Variants in LPP observed in about 807,000 individuals in gnomAD.
The protein encoded by LPP is lipoma-preferred partner.
A neutral mutation model predicts 60.4 loss-of-function variants in LPP; 38 were observed. That is an observed-to-expected ratio of 0.63 (90% CI 0.49 to 0.83). The LOEUF (loss-of-function observed/expected upper bound fraction) is 0.83. Ranked by LOEUF, LPP falls within the 40% of genes least tolerant of loss-of-function variation. The pLI is 0.00. For missense variants in LPP, 902 were observed against 783.6 expected (o/e 1.15, Z -1.80); for synonymous variants, 328 against 290.8 (o/e 1.13, Z -1.30).
intron 6 of LPP, chr3:188,568,115 A>G (rs1467705732): frequency 6.6e-6 from 1 of 152,024 alleles, no homozygotes; most frequent in Non-Finnish European, 1.5e-5. Context: ...ATCACTATCA[A>G]TTTACCTACT....
intron 3 of LPP, among the ~76,000 whole-genome samples, chr3:188,402,083 C>A (rs1178368887): frequency 2.0e-5 from 3 of 152,048 alleles, no homozygotes; most frequent in Non-Finnish European, 2.9e-5. Flanking sequence ...AAGTTACTGG[C>A]AATATGATTA....
chr3:188,319,979 G>A (rs1441675708), intron 2 of LPP, among the ~76,000 whole-genome samples: 1 of 152,142 alleles, frequency 6.6e-6, no homozygotes. Flanking sequence ...TAACGGTCAG[G>A]TATTTTGAAG....
chr3:188,702,323 C>G lies in LPP; in HGVS notation c.1114-5944C>G, dbSNP rs191455600. Among the ~76,000 whole-genome samples, 303 of 150,312 alleles carry G rather than the reference C, an allele frequency of 2.0e-3. 6 individuals are homozygous for G. The highest frequency in any genetic ancestry group is 0.019 in the Admixed American group (291 of 15,126). Reference sequence around the variant, plus strand: ...ATGCCTTTAACTTTCTTCCTTCTTTCTTTTCTTCTTCTTCTTCTTTTTTTT... The same window carrying G: ...ATGCCTTTAACTTTCTTCCTTCTTTGTTTTCTTCTTCTTCTTCTTTTTTTT... On this transcript the variant is annotated intron_variant, in intron 7 of 11. Coordinates refer to ENST00000617246, the MANE Select transcript of LPP (RefSeq NM_001375462.1).
chr3:188,495,080 A>ATTTTT lies in LPP; in HGVS notation c.306+10377_306+10378insTTTTT, dbSNP rs1419758882. 6.1e-3 allele frequency among the ~76,000 whole-genome samples: 610 copies of ATTTTT among 100,780 alleles called. 45 individuals are homozygous for ATTTTT. The highest frequency in any genetic ancestry group is 0.035 in the African/African-American group (581 of 16,490). 66.1% of individuals were successfully genotyped at this position (100,780 alleles called of 152,430 possible). The stretch of plus-strand genomic sequence containing the variant: ...TTCAGGATTTTATATATATATATAT[A>ATTTTT]TATTTTATTTATATTTTATTATATA... On this transcript the variant is annotated intron_variant, in intron 5 of 11. Transcript: ENST00000617246.
intron 7 of LPP, among the ~76,000 whole-genome samples, chr3:188,663,835 G>A (rs12491185): frequency 1.6e-4 from 25 of 152,124 alleles, no homozygotes; most frequent in Admixed American, 1.6e-3. Context: ...TAAGGGGCAT[G>A]CAAACTAGGT....
intron 6 of LPP, among the ~76,000 whole-genome samples, chr3:188,533,315 T>C (rs1392664950): frequency 6.6e-6 from 1 of 152,192 alleles, no homozygotes; most frequent in Non-Finnish European, 1.5e-5. Context: ...TGTAGGCTAC[T>C]GGGAGATGAA....
chr3:188,642,517 G>A (rs556406114), intron 7 of LPP, among the ~76,000 whole-genome samples: 53 of 152,308 alleles, frequency 3.5e-4, no homozygotes, highest in Middle Eastern at 6.8e-3. Context: ...AGCTTTTAAT[G>A]TTAAAGATTC....
intron 4 of LPP, among the ~76,000 whole-genome samples, chr3:188,469,594 C>G (rs758864174): frequency 6.6e-6 from 1 of 152,100 alleles, no homozygotes; most frequent in African/African-American, 2.4e-5. Context: ...TATGCAGTTC[C>G]TTTCCAAGAT....
At chr3:188,427,582 T>G (rs1789738337) in intron 4 of LPP, among the ~76,000 whole-genome samples, 1 of 152,172 alleles carries the variant, frequency 6.6e-6, no homozygotes, top group African/African-American at 2.4e-5. Flanking sequence ...GTTGGGAAAG[T>G]TCTCCTTTCT....
At chr3:188,867,267 A>T (rs1302585958) in intron 10 of LPP, among the ~76,000 whole-genome samples, 1 of 148,006 alleles carries the variant, frequency 6.8e-6, no homozygotes, top group Non-Finnish European at 1.5e-5. Flanking sequence ...ATATATGTTT[A>T]TATATATACA....
intron 5 of LPP, among the ~76,000 whole-genome samples, chr3:188,523,205 C>A (rs1219866651): frequency 1.3e-5 from 2 of 152,092 alleles, no homozygotes; most frequent in African/African-American, 4.8e-5. Context: ...CCGCGCCCGT[C>A]CTGAAATCCA....
At chr3:188,213,756 C>T (rs755392425) in intron 1 of LPP, among the ~76,000 whole-genome samples, 6 of 151,980 alleles carry the variant, frequency 3.9e-5, no homozygotes, top group East Asian at 1.9e-4. Context: ...TTCTCTTTCA[C>T]GAAAGGGGAT....
intron 7 of LPP, among the ~76,000 whole-genome samples, chr3:188,613,310 C>CTATATCTA (rs1172951423): frequency 1.4e-5 from 2 of 144,978 alleles, no homozygotes; most frequent in African/African-American, 5.5e-5. Flanking sequence ...ATATCTATAT[C>CTATATCTA]TATATATATC....
At chr3:188,223,598 G>C (rs1017455435) in intron 1 of LPP, among the ~76,000 whole-genome samples, 11 of 152,148 alleles carry the variant, frequency 7.2e-5, no homozygotes, top group African/African-American at 2.2e-4. Flanking sequence ...TTTGTGCCTG[G>C]AGGGAAGCTG....
chr3:188,680,391 A>G (rs1859214720), intron 7 of LPP, among the ~76,000 whole-genome samples: 1 of 152,212 alleles, frequency 6.6e-6, no homozygotes, highest in Non-Finnish European at 1.5e-5. Flanking sequence ...TTGGACTATC[A>G]AGCAAGAATG....
intron 2 of LPP, among the ~76,000 whole-genome samples, chr3:188,330,851 GTAAGTAAGTAAA>G (rs770490843): frequency 1.3e-3 from 141 of 112,344 alleles, no homozygotes; most frequent in Non-Finnish European, 2.0e-3. Context: ...AAGTAAGTAA[GTAAGTAAGTAAA>G]TAAATAAATA....
chr3:188,823,571 C>CT (rs1754577793), intron 9 of LPP, among the ~76,000 whole-genome samples: 1 of 152,010 alleles, frequency 6.6e-6, no homozygotes. Flanking sequence ...TTTACTAAGG[C>CT]TTTTTTGCAT....
intron 5 of LPP, among the ~76,000 whole-genome samples, chr3:188,518,846 G>C (rs1818105744): frequency 6.6e-6 from 1 of 152,000 alleles, no homozygotes; most frequent in Admixed American, 6.6e-5. Flanking sequence ...TAATATCCTG[G>C]ATAAGATTTT....
At chr3:188,199,122 C>T (rs1730332393) in intron 1 of LPP, among the ~76,000 whole-genome samples, 3 of 152,180 alleles carry the variant, frequency 2.0e-5, no homozygotes, top group South Asian at 4.1e-4. Flanking sequence ...GCCTGTTGGT[C>T]AGAATATCTA....
Sources: allele counts gnomAD v4.1 joint callset (sites outside exome capture counted in the v4.1 genomes callset), GRCh38; gene constraint gnomAD v4.1.1; transcripts MANE v1.5; gene names NCBI Gene and HGNC (gene_info 2026-07-23, HGNC 2026-07-21).